The following FMN2 variants were observed in gnomAD, a reference collection of about 807,000 sequenced individuals.
The protein encoded by FMN2 is formin 2.
A neutral mutation model predicts 142.3 loss-of-function variants in FMN2; 51 were observed. The observed-to-expected ratio is 0.36, with a 90% CI of 0.29 to 0.45. The LOEUF is 0.45. Ranked by LOEUF, FMN2 falls within the 20% of genes least tolerant of loss-of-function variation. FMN2 has a pLI of 1.00. For missense variants in FMN2, 1,936 were observed against 2,122.8 expected, an observed-to-expected ratio of 0.91 and a Z score of 1.73; for synonymous variants, 882 against 869.8, an observed-to-expected ratio of 1.01 and a Z score of -0.25.
At chr1:240,460,599 G>A (rs1407452286) in intron 16 of FMN2, among the ~76,000 whole-genome samples, 2 of 151,894 alleles carry the variant, frequency 1.3e-5, no homozygotes, top group East Asian at 1.9e-4. Flanking sequence ...AGACTCGAAC[G>A]ATTGTAAGTG....
At chr1:240,384,315 A>G (rs902309482) in intron 14 of FMN2, among the ~76,000 whole-genome samples, 1 of 152,132 alleles carries the variant, frequency 6.6e-6, no homozygotes, top group Non-Finnish European at 1.5e-5. Context: ...TATTTAAAAG[A>G]AAGAAATATA....
At chr1:240,261,755 G>A (rs1668640717) in intron 7 of FMN2, among the ~76,000 whole-genome samples, 3 of 152,116 alleles carry the variant, frequency 2.0e-5, no homozygotes, top group Non-Finnish European at 2.9e-5. Context: ...ATATAAGGGG[G>A]CATCCCCAAA....
intron 5 of FMN2, 136 bp downstream of exon 5, chr1:240,208,868 A>G: frequency 8.8e-7 from 1 of 1,137,834 alleles, no homozygotes; most frequent in Non-Finnish European, 1.2e-6. Context: ...TTACATCAAT[A>G]TATAGTGCAG....
intron 14 of FMN2, among the ~76,000 whole-genome samples, chr1:240,367,124 A>G (rs952139276): frequency 6.6e-6 from 1 of 152,074 alleles, no homozygotes; most frequent in Non-Finnish European, 1.5e-5. Flanking sequence ...TTTTGACCCA[A>G]TTGACTCTTT....
intron 2 of FMN2, among the ~76,000 whole-genome samples, chr1:240,134,002 A>G (rs1662840525): frequency 1.3e-5 from 2 of 152,182 alleles, no homozygotes; most frequent in Admixed American, 1.3e-4. Context: ...AGGTGAAAAC[A>G]TTTACCCAAG....
At chr1:240,358,887 G>A (rs541512899) in intron 14 of FMN2, among the ~76,000 whole-genome samples, 4 of 152,030 alleles carry the variant, frequency 2.6e-5, no homozygotes, top group Admixed American at 1.3e-4. Flanking sequence ...CCATAATCCC[G>A]GCACTTTGGG....
At chr1:240,173,708 C>T (rs987920583) in intron 2 of FMN2, among the ~76,000 whole-genome samples, 1 of 152,080 alleles carries the variant, frequency 6.6e-6, no homozygotes, top group Non-Finnish European at 1.5e-5. Context: ...ATCTGTTTTG[C>T]TTATTTTCTG....
At chr1:240,413,580 G>T (rs1249137986) in intron 15 of FMN2, among the ~76,000 whole-genome samples, 1 of 152,130 alleles carries the variant, frequency 6.6e-6, no homozygotes, top group African/African-American at 2.4e-5. Flanking sequence ...TTTCCTTTGG[G>T]TGAGAGAGAA....
intron 1 of FMN2, among the ~76,000 whole-genome samples, chr1:240,101,709 ATT>A (rs776711940): frequency 2.2e-4 from 30 of 137,810 alleles, no homozygotes; most frequent in Non-Finnish European, 1.7e-4. Flanking sequence ...TGCCTGGCTA[ATT>A]TTTTTTTTTT....
chr1:240,098,118 T>TTTTTTTTTG (rs1661283466), intron 1 of FMN2, among the ~76,000 whole-genome samples: 1 of 121,802 alleles, frequency 8.2e-6, no homozygotes, highest in African/African-American at 2.9e-5. Flanking sequence ...TTTTTTTTTT[T>TTTTTTTTTG]GGAGACAGAT....
chr1:240,428,461 A>G (rs949929194), intron 15 of FMN2, among the ~76,000 whole-genome samples: 1 of 151,776 alleles, frequency 6.6e-6, no homozygotes, highest in Admixed American at 6.6e-5. Flanking sequence ...TCCTGGCTTG[A>G]AGTGATCCTC....
At chr1:240,115,972 T>G (rs533992886) in intron 1 of FMN2, among the ~76,000 whole-genome samples, 1 of 152,140 alleles carries the variant, frequency 6.6e-6, no homozygotes. Context: ...TTAAAGAACA[T>G]ACAGGGCAAC....
chr1:240,273,833 T>C (rs1389361416), intron 7 of FMN2, among the ~76,000 whole-genome samples: 1 of 152,130 alleles, frequency 6.6e-6, no homozygotes, highest in Non-Finnish European at 1.5e-5. Context: ...GGGATCTCTC[T>C]ATGCCAACTT....
chr1:240,454,314 G>C (rs1676156123), intron 16 of FMN2, among the ~76,000 whole-genome samples: 1 of 152,058 alleles, frequency 6.6e-6, no homozygotes, highest in Admixed American at 6.6e-5. Flanking sequence ...GGCTGAGGCA[G>C]GTAGATCACT....
At chr1:240,270,490 TGGCTTCAGTAGTACTGCAACAGCACC>T (rs1353263011) in intron 7 of FMN2, among the ~76,000 whole-genome samples, 1 of 152,086 alleles carries the variant, frequency 6.6e-6, no homozygotes, top group East Asian at 1.9e-4. Context: ...TAAACCTCAT[TGGCTTCAGTAGTACTGCAACAGCACC>T]TCATTGGCTT....
chr1:240,433,586 T>A (rs1572304782), intron 15 of FMN2, among the ~76,000 whole-genome samples: 1 of 152,330 alleles, frequency 6.6e-6, no homozygotes, highest in East Asian at 1.9e-4. Context: ...TTCATACAGC[T>A]CAGACTGCTT....
chr1:240,461,798 T>C (rs935608520), intron 16 of FMN2, among the ~76,000 whole-genome samples: 2 of 152,132 alleles, frequency 1.3e-5, no homozygotes, highest in African/African-American at 4.8e-5. Context: ...TAAAATAGGA[T>C]GGTGGCATCA....
intron 8 of FMN2, among the ~76,000 whole-genome samples, chr1:240,327,799 G>A (rs1671220520): frequency 6.6e-6 from 1 of 152,016 alleles, no homozygotes; most frequent in Admixed American, 6.6e-5. Context: ...CGATTATAAA[G>A]GGTAACAGAA....
intron 8 of FMN2, among the ~76,000 whole-genome samples, chr1:240,302,997 C>T (rs1295407491): frequency 1.3e-5 from 2 of 151,406 alleles, no homozygotes; most frequent in African/African-American, 4.9e-5. Flanking sequence ...AAGATAATTT[C>T]TATGTAGAGC....
Sources: allele counts gnomAD v4.1 joint callset (sites outside exome capture counted in the v4.1 genomes callset), GRCh38; gene constraint gnomAD v4.1.1; transcripts MANE v1.5; gene names NCBI Gene and HGNC (gene_info 2026-07-23, HGNC 2026-07-21).